The following MALRD1 variants were observed in gnomAD, a reference collection of about 807,000 sequenced individuals.
MALRD1 encodes MAM and LDL receptor class A domain containing 1, also known as MAM and LDL-receptor class A domain-containing protein 1.
Under a neutral mutation model 242.1 loss-of-function variants are expected in MALRD1, and 247 were observed. The observed-to-expected ratio is 1.02, with a 90% CI of 0.92 to 1.13. The LOEUF is 1.13. Ranked by LOEUF, MALRD1 falls within the 50% of genes most tolerant of loss-of-function variation. The pLI is 0.00. For synonymous variants in MALRD1, 995 were observed against 866.6 expected (o/e 1.15, Z -2.60); for missense variants, 2,989 against 2,533.1 (o/e 1.18, Z -3.86).
chr10:19,304,176 G>T (rs926369367), intron 21 of MALRD1, among the ~76,000 whole-genome samples: 2 of 151,682 alleles, frequency 1.3e-5, no homozygotes, highest in African/African-American at 2.4e-5. Context: ...GGTGAATTTG[G>T]CTTGAACGAG....
intron 36 of MALRD1, among the ~76,000 whole-genome samples, chr10:19,691,690 A>G (rs951954642): frequency 5.3e-5 from 8 of 152,132 alleles, no homozygotes; most frequent in Non-Finnish European, 1.2e-4. Flanking sequence ...TACCAGTGTT[A>G]AAAGTTTCAT....
chr10:19,581,441 T>C (rs1032556860), intron 33 of MALRD1, among the ~76,000 whole-genome samples: 1 of 148,794 alleles, frequency 6.7e-6, no homozygotes, highest in African/African-American at 2.5e-5. Context: ...CATTGTTCAA[T>C]TCCCACCTAT....
At chr10:19,129,946 A>G (rs868481060) in intron 8 of MALRD1, among the ~76,000 whole-genome samples, 2 of 150,604 alleles carry the variant, frequency 1.3e-5, no homozygotes, top group African/African-American at 4.9e-5. Flanking sequence ...TGATATATAT[A>G]TATATCTCTA....
chr10:19,260,189 G>T (rs892738044), intron 19 of MALRD1, among the ~76,000 whole-genome samples: 10 of 152,178 alleles, frequency 6.6e-5, no homozygotes, highest in Admixed American at 5.2e-4. Flanking sequence ...TTTGTTGAAA[G>T]CCAAGTCTCA....
At chr10:19,474,594 T>A (rs1477500107) in intron 29 of MALRD1, among the ~76,000 whole-genome samples, 2 of 152,120 alleles carry the variant, frequency 1.3e-5, no homozygotes, top group Non-Finnish European at 2.9e-5. Context: ...ATAAGCCCAT[T>A]GTAAGTTATC....
chr10:19,590,242 G>T (rs974899556), intron 33 of MALRD1, among the ~76,000 whole-genome samples: 1 of 148,690 alleles, frequency 6.7e-6, no homozygotes, highest in African/African-American at 2.5e-5. Flanking sequence ...AAGGAATATT[G>T]GTGGTGATAT....
chr10:19,278,554 A>G (rs1246960812), intron 19 of MALRD1, among the ~76,000 whole-genome samples: 15 of 152,104 alleles, frequency 9.9e-5, no homozygotes, highest in Non-Finnish European at 2.2e-4. Flanking sequence ...TACCTACCAT[A>G]TGCCATGGTC....
At chr10:19,717,382 T>A (rs1834440041) in intron 38 of MALRD1, among the ~76,000 whole-genome samples, 1 of 152,230 alleles carries the variant, frequency 6.6e-6, no homozygotes, top group Non-Finnish European at 1.5e-5. Context: ...TAACTGACTT[T>A]ACTGGCAGCA....
chr10:19,056,069 T>C (rs775488312), intron 1 of MALRD1, among the ~76,000 whole-genome samples: 3 of 152,174 alleles, frequency 2.0e-5, no homozygotes, highest in Non-Finnish European at 4.4e-5. Context: ...TTTTTGCTGG[T>C]CTATTTTTAT....
intron 13 of MALRD1, among the ~76,000 whole-genome samples, chr10:19,174,350 G>A (rs1835132653): frequency 1.3e-5 from 2 of 152,120 alleles, no homozygotes; most frequent in Non-Finnish European, 2.9e-5. Context: ...GGGATAGCAT[G>A]TTCTGACTCC....
intron 38 of MALRD1, among the ~76,000 whole-genome samples, chr10:19,720,030 T>G (rs1292403931): frequency 6.6e-6 from 1 of 152,226 alleles, no homozygotes; most frequent in Non-Finnish European, 1.5e-5. Context: ...TATTACCTTA[T>G]GACTCTGTGC....
Position 19,088,164 on chromosome 10 carries a change from C to A in MALRD1, c.576C>A (p.Ile192=). 8.1e-7 allele frequency: 1 copy of A among 1,233,322 alleles called. No individual in the cohort carries two copies. Among genetic ancestry groups the A allele is most frequent in the Non-Finnish European group, 1.0e-6 (1 of 987,764 alleles). The allele number at this position is 1,233,322 out of a possible 1,614,324, so 76.4% of individuals were successfully genotyped here. ...AGTGGGAGAGAAATGTCATCAAAAT[C>A]CAGAGTTCACAGAGATTTCAGGTAT... The part of the protein sequence containing the change: ...PNQWERNVIK[I]QSSQRFQVVF... Residue 192 remains isoleucine (I), a synonymous_variant, in exon 4 of 40, where the codon ATC becomes ATA. Transcript: ENST00000454679.
intron 18 of MALRD1, among the ~76,000 whole-genome samples, chr10:19,255,212 A>G (rs1839454977): frequency 6.6e-6 from 1 of 152,038 alleles, no homozygotes; most frequent in African/African-American, 2.4e-5. Context: ...ATTTAAACTA[A>G]ACTGGATTTT....
chr10:19,663,154 T>C (rs1240413126), intron 36 of MALRD1, among the ~76,000 whole-genome samples: 1 of 152,074 alleles, frequency 6.6e-6, no homozygotes, highest in African/African-American at 2.4e-5. Flanking sequence ...AATTGGTAAT[T>C]TTCCATCCCT....
chr10:19,611,611 A>G lies in MALRD1; in HGVS notation c.6070+3709A>G, dbSNP rs543480181. 2.0e-5 allele frequency among the ~76,000 whole-genome samples: 3 copies of G among 152,100 alleles called. No homozygotes were observed. The South Asian group carries it at 6.2e-4, about 32-fold the overall frequency. Reference sequence around the variant, plus strand: ...GGGAACCTCTGCTAATGGTAATATTATCCCATAGATTCCCAGTTCCCATAT... The same window carrying G: ...GGGAACCTCTGCTAATGGTAATATTGTCCCATAGATTCCCAGTTCCCATAT... On this transcript the variant is annotated intron_variant, in intron 35 of 39. Transcript: ENST00000454679.
At chr10:19,681,256 A>T (rs552932149) in intron 36 of MALRD1, among the ~76,000 whole-genome samples, 159 of 152,122 alleles carry the variant, frequency 1.0e-3, no homozygotes, top group African/African-American at 3.4e-3. Context: ...ATGTTTTCCA[A>T]CCTGGTTCCA....
rs1057425251 is a variant in MALRD1 at position 19,607,906 on chromosome 10, C to A, written c.6070+4C>A. ...CTTGATGAGTCCAGCTGCTCCGGTA[C>A]CCCATTTCCATTCAGATATTCTTGT... On this transcript the variant is annotated splice_donor_region_variant and intron_variant, in intron 35 of 39. Coordinates refer to ENST00000454679, the MANE Select transcript of MALRD1 (RefSeq NM_001142308.3). 1.3e-6 allele frequency: 2 copies of A among 1,548,844 alleles called. No individual in the cohort carries two copies. Among genetic ancestry groups the A allele is most frequent in the South Asian group, 2.4e-5 (2 of 83,892 alleles).
chr10:19,404,172 G>A (rs1423343487), intron 28 of MALRD1, among the ~76,000 whole-genome samples: 10 of 152,010 alleles, frequency 6.6e-5, no homozygotes, highest in African/African-American at 2.2e-4. Flanking sequence ...AATTTACTAT[G>A]TTTCCTTAGA....
At chr10:19,525,838 T>A (rs1834075536) in intron 31 of MALRD1, among the ~76,000 whole-genome samples, 1 of 151,934 alleles carries the variant, frequency 6.6e-6, no homozygotes, top group Admixed American at 6.6e-5. Flanking sequence ...CAAAATTAAT[T>A]GAATGCATTC....
Sources: allele counts gnomAD v4.1 joint callset (sites outside exome capture counted in the v4.1 genomes callset), GRCh38; gene constraint gnomAD v4.1.1; transcripts MANE v1.5; gene names NCBI Gene and HGNC (gene_info 2026-07-23, HGNC 2026-07-21).